TRIM69: variants seen among roughly 807,000 people sequenced by gnomAD.
The protein encoded by TRIM69 is tripartite motif containing 69.
Under a neutral mutation model 37.7 loss-of-function variants are expected in TRIM69, and 29 were observed. The ratio of observed to expected loss-of-function variants is 0.77; its 90% CI spans 0.57 to 1.05. TRIM69 has a LOEUF of 1.05. Ranked by LOEUF, TRIM69 falls within the 50% of genes least tolerant of loss-of-function variation. The pLI is 0.00. For missense variants in TRIM69, 596 were observed against 579.9 expected, an observed-to-expected ratio of 1.03 and a Z score of -0.28; for synonymous variants, 209 against 212.4, an observed-to-expected ratio of 0.98 and a Z score of 0.14.
At chr15:44,746,750 G>GCACACACACACACA (rs10561330) in intron 1 of TRIM69, among the ~76,000 whole-genome samples, 1 of 150,276 alleles carries the variant, frequency 6.7e-6, no homozygotes, top group African/African-American at 2.4e-5. Context: ...ACGTGCACGT[G>GCACACACACACACA]CACACACACA....
chr15:44,739,877 G>A (rs1411570021), intron 1 of TRIM69, among the ~76,000 whole-genome samples: 2 of 151,608 alleles, frequency 1.3e-5, no homozygotes, highest in African/African-American at 4.8e-5. Context: ...GAAGAGAGCA[G>A]TGGTTCTCCC....
rs777291853 is a variant in TRIM69 at position 44,755,360 on chromosome 15, C to T, written c.467C>T (p.Ala156Val). 1.9e-6 allele frequency: 3 copies of T among 1,612,878 alleles called. No homozygotes were observed. The highest frequency in any genetic ancestry group is 2.2e-5 in the South Asian group (2 of 91,048). Residue 156 changes from alanine to valine, a missense_variant, in exon 2 of 7, where the codon GCT becomes GTT. Ala to Val is a moderately conservative substitution (Grantham distance 64). Coordinates refer to ENST00000329464, the MANE Select transcript of TRIM69 (RefSeq NM_182985.5). ...AAGGAGTTCCTGCAAATCTCTGATGCTGTCCATTTCTTCACGGTGGGTGAG... is the reference window on the plus strand; with the variant it reads ...AAGGAGTTCCTGCAAATCTCTGATGTTGTCCATTTCTTCACGGTGGGTGAG... ...QSKEFLQISD[A>V]VHFFTEELAI...
chr15:44,750,098 G>A (rs2087487632), intron 1 of TRIM69, among the ~76,000 whole-genome samples: 1 of 152,162 alleles, frequency 6.6e-6, no homozygotes, highest in African/African-American at 2.4e-5. Flanking sequence ...CTATTGAGTT[G>A]TAAGAGTTCT....
At chr15:44,743,266 G>C (rs2087332001) in intron 1 of TRIM69, among the ~76,000 whole-genome samples, 1 of 152,048 alleles carries the variant, frequency 6.6e-6, no homozygotes, top group African/African-American at 2.4e-5. Flanking sequence ...GCCATATGTA[G>C]AAAGCTGGAA....
chr15:44,767,237 C>A lies in TRIM69; in HGVS notation c.968C>A (p.Ser323Tyr), dbSNP rs1208337108. The change falls in exon 7 of 7, where the codon TCT (serine) becomes TAT (tyrosine). Residue 323 changes from serine to tyrosine, a missense_variant. By Grantham distance (144) the Ser-to-Tyr change is moderately radical. Coordinates refer to ENST00000329464, the MANE Select transcript of TRIM69 (RefSeq NM_182985.5). ...TCTTTTATTTTCTTACTAGGCCTGT[C>A]TCCACTAACTCTGGACCCTAAAACA... ...EMQDTLCPGL[S>Y]PLTLDPKTAH... The A allele has an allele frequency of 6.2e-7, 1 of 1,611,754 alleles. No homozygotes were observed. The highest frequency in any genetic ancestry group is 1.3e-5 in the African/African-American group (1 of 74,714).
intron 6 of TRIM69, among the ~76,000 whole-genome samples, 178 bp from the exon 7 acceptor site, chr15:44,767,053 C>CAAAAAAAAAAAAA (rs55736812): frequency 0.029 from 696 of 24,306 alleles, 249 homozygotes; most frequent in Middle Eastern, 0.071. Flanking sequence ...TTGTCTGCCT[C>CAAAAAAAAAAAAA]AAAAAAAAAA....
chr15:44,739,691 T>G (rs2087239777), intron 1 of TRIM69, among the ~76,000 whole-genome samples: 1 of 152,092 alleles, frequency 6.6e-6, no homozygotes, highest in African/African-American at 2.4e-5. Flanking sequence ...GCGCCCACCA[T>G]TGCCCAGGCT....
rs1355718219 is a variant in TRIM69 at position 44,761,273 on chromosome 15, TA to T, written c.961+1402del. ...CCATGTATCAATAATCATGATTATTTATTCAGTTTACTTATTCATTTCCCAG... is the reference window on the plus strand; with the variant it reads ...CCATGTATCAATAATCATGATTATTTTTCAGTTTACTTATTCATTTCCCAG... On this transcript the variant is annotated intron_variant, in intron 6 of 6. Transcript: ENST00000329464. Among the ~76,000 whole-genome samples the T allele has an allele frequency of 3.9e-5, 6 of 152,324 alleles. No individual in the cohort carries two copies. In the East Asian group the frequency reaches 1.2e-3, roughly 29 times the overall value.
chr15:44,766,966 C>T (rs555916044), intron 6 of TRIM69, among the ~76,000 whole-genome samples: 93 of 136,404 alleles, frequency 6.8e-4, no homozygotes, highest in African/African-American at 2.4e-3. Flanking sequence ...GGCTGAGGCA[C>T]GAGAATTGCT....
intron 1 of TRIM69, among the ~76,000 whole-genome samples, chr15:44,751,365 C>T (rs565132375): frequency 4.6e-5 from 7 of 152,244 alleles, no homozygotes; most frequent in Non-Finnish European, 7.3e-5. Flanking sequence ...ATCTGCCCAC[C>T]TCGGCCTCCC....
At chr15:44,750,697 T>G in intron 1 of TRIM69, among the ~76,000 whole-genome samples, 1 of 148,196 alleles carries the variant, frequency 6.7e-6, no homozygotes, top group Non-Finnish European at 1.5e-5. Flanking sequence ...GAATCGCATT[T>G]TTATTTCATT....
At chr15:44,741,802 C>A (rs1449712383) in intron 1 of TRIM69, among the ~76,000 whole-genome samples, 3 of 152,106 alleles carry the variant, frequency 2.0e-5, no homozygotes, top group African/African-American at 7.2e-5. Context: ...CAATAACAGG[C>A]TCCGAAATTG....
intron 1 of TRIM69, 118 bp from the exon 2 acceptor site, chr15:44,754,782 A>T: frequency 1.4e-6 from 1 of 732,644 alleles, no homozygotes; most frequent in South Asian, 1.7e-5. Context: ...AGGAGAGATT[A>T]TGTGCTTTTA....
intron 2 of TRIM69, among the ~76,000 whole-genome samples, chr15:44,755,607 C>G (rs1261862251): frequency 6.6e-6 from 1 of 152,160 alleles, no homozygotes; most frequent in Non-Finnish European, 1.5e-5. Flanking sequence ...TGTACCTAAA[C>G]TCTGCCATGG....
At chr15:44,739,797 G>A (rs1247625036) in intron 1 of TRIM69, among the ~76,000 whole-genome samples, 2 of 151,700 alleles carry the variant, frequency 1.3e-5, no homozygotes, top group East Asian at 1.9e-4. Flanking sequence ...CACCTCTGGG[G>A]GCAGGGCACA....
intron 1 of TRIM69, chr15:44,754,661 A>G: frequency 6.3e-6 from 3 of 473,976 alleles, no homozygotes; most frequent in Non-Finnish European, 1.1e-5. Flanking sequence ...AACAAAGTAC[A>G]TTTCTTTGAT....
intron 1 of TRIM69, among the ~76,000 whole-genome samples, chr15:44,740,755 A>C (rs1342313258): frequency 1.3e-5 from 2 of 151,692 alleles, no homozygotes; most frequent in African/African-American, 4.8e-5. Flanking sequence ...CAATTCAACA[A>C]GAAGAGCTAA....
intron 1 of TRIM69, among the ~76,000 whole-genome samples, chr15:44,752,348 A>G (rs538096680): frequency 1.3e-5 from 2 of 152,236 alleles, no homozygotes; most frequent in Non-Finnish European, 2.9e-5. Context: ...ATTGACCTTT[A>G]TATCATATCC....
intron 1 of TRIM69, among the ~76,000 whole-genome samples, chr15:44,738,869 G>T (rs536415847): frequency 2.0e-4 from 30 of 152,120 alleles, no homozygotes; most frequent in Non-Finnish European, 4.0e-4. Flanking sequence ...CACAGTGAAT[G>T]CTCAGTAAAT....
Sources: allele counts gnomAD v4.1 joint callset (sites outside exome capture counted in the v4.1 genomes callset), GRCh38; gene constraint gnomAD v4.1.1; transcripts MANE v1.5; gene names NCBI Gene and HGNC (gene_info 2026-07-23, HGNC 2026-07-21).